The following UNC80 variants were observed in gnomAD, a reference collection of about 807,000 sequenced individuals.
The protein encoded by UNC80 is protein unc-80 homolog.
A neutral mutation model predicts 384.6 loss-of-function variants in UNC80; 164 were observed. The ratio of observed to expected loss-of-function variants is 0.43; its 90% CI spans 0.38 to 0.49. The LOEUF is 0.49. UNC80 is among the 20% of genes least tolerant of loss of function. The pLI is 0.00. For missense variants in UNC80, 3,330 were observed against 4,143.0 expected (o/e 0.80, Z 5.39); for synonymous variants, 1,486 against 1,527.8 (o/e 0.97, Z 0.64).
At chr2:209,824,872 C>G (rs1262268995) in intron 13 of UNC80, among the ~76,000 whole-genome samples, 1 of 152,156 alleles carries the variant, frequency 6.6e-6, no homozygotes, top group African/African-American at 2.4e-5. Context: ...TGCGTCAACC[C>G]AATCATGTGG....
chr2:209,945,758 C>T, intron 46 of UNC80, 89 bp from the exon 47 acceptor site: 1 of 823,176 alleles, frequency 1.2e-6, no homozygotes. Flanking sequence ...ACAGTATATA[C>T]TGGAATGATA....
At chr2:209,992,285 G>T (rs1381331410) in intron 62 of UNC80, 38 bp downstream of exon 62, 1 of 1,527,682 alleles carries the variant, frequency 6.5e-7, no homozygotes, top group Admixed American at 2.0e-5. Context: ...ACCATCCTAC[G>T]AATTGGAAGC....
chr2:209,884,877 A>T (rs1574883919), intron 25 of UNC80, among the ~76,000 whole-genome samples: 1 of 151,672 alleles, frequency 6.6e-6, no homozygotes, highest in African/African-American at 2.4e-5. Flanking sequence ...GAGGGGAACA[A>T]CACACACTGG....
chr2:209,973,154 G>C lies in UNC80; in HGVS notation c.8471G>C (p.Arg2824Thr). 6.4e-7 allele frequency: 1 copy of C among 1,551,674 alleles called. No homozygotes were observed. The change falls in exon 56 of 65, where the codon AGG becomes ACG. Residue 2824 changes from arginine to threonine, a missense_variant. Coordinates refer to ENST00000673920, the MANE Select transcript of UNC80 (RefSeq NM_001371986.1). The stretch of plus-strand genomic sequence containing the variant: ...CCACCGCGGATCATCAGCACATCCA[G>C]GAGCAAGAACTTCATGTTAGAGAGC... ...LLPPRIISTSRSKNFMLESSP... is the reference protein window; with the variant it reads ...LLPPRIISTSTSKNFMLESSP...
intron 25 of UNC80, among the ~76,000 whole-genome samples, chr2:209,884,259 G>A (rs924222110): frequency 4.6e-5 from 7 of 152,150 alleles, no homozygotes; most frequent in Non-Finnish European, 7.4e-5. Context: ...GAGACCAATC[G>A]ATGATGACTA....
intron 61 of UNC80, among the ~76,000 whole-genome samples, chr2:209,987,132 T>C (rs1460017557): frequency 6.6e-6 from 1 of 152,202 alleles, no homozygotes; most frequent in Non-Finnish European, 1.5e-5. Context: ...GCTCCCATGC[T>C]CTTACAACAT....
At chr2:209,928,233 G>T (rs1315967895) in intron 36 of UNC80, among the ~76,000 whole-genome samples, 1 of 152,144 alleles carries the variant, frequency 6.6e-6, no homozygotes, top group East Asian at 1.9e-4. Flanking sequence ...CTACTCATGA[G>T]GCTGAGGCAG....
chr2:209,835,781 T>C (rs2081295528), intron 18 of UNC80, among the ~76,000 whole-genome samples: 1 of 152,196 alleles, frequency 6.6e-6, no homozygotes, highest in Admixed American at 6.5e-5. Flanking sequence ...TTCTAGGTAT[T>C]ATGGTATCCT....
chr2:209,957,468 C>A (rs1249810062), intron 48 of UNC80, among the ~76,000 whole-genome samples, 176 bp from the exon 49 acceptor site: 2 of 152,182 alleles, frequency 1.3e-5, no homozygotes, highest in Non-Finnish European at 2.9e-5. Context: ...AATCAATGTT[C>A]TTTTAAAGTG....
At chr2:209,772,200 G>A (rs1275879118) in intron 1 of UNC80, 36 bp downstream of exon 1, 1 of 1,405,706 alleles carries the variant, frequency 7.1e-7, no homozygotes, top group East Asian at 3.2e-5. Flanking sequence ...GGGCCGCCCT[G>A]GGCTGGGGGC....
At chr2:209,990,274 C>A (rs1036801708) in intron 61 of UNC80, among the ~76,000 whole-genome samples, 1 of 152,154 alleles carries the variant, frequency 6.6e-6, no homozygotes, top group Non-Finnish European at 1.5e-5. Flanking sequence ...GCCTCAATTT[C>A]ATTTTCTCTG....
intron 46 of UNC80, 115 bp downstream of exon 46, chr2:209,945,304 C>A: frequency 9.3e-7 from 1 of 1,080,190 alleles, no homozygotes; most frequent in African/African-American, 1.6e-5. Context: ...ATAACTAAAT[C>A]AAAGTAGCAA....
rs548859915 is a variant in UNC80, at chr2:209,786,617, A to G, written c.724+428A>G. Among the ~76,000 whole-genome samples the G allele has an allele frequency of 2.0e-5, 3 of 152,278 alleles. No individual in the cohort carries two copies. In the East Asian group the frequency reaches 5.8e-4, roughly 29 times the overall value. ...CTTAACAAAATCATCTTAGTGTTGT[A>G]TTGTTATCAAAGCATTTCTCTTCAG... On this transcript the variant is annotated intron_variant, in intron 5 of 64. Transcript: ENST00000673920.
intron 35 of UNC80, 51 bp from the exon 36 acceptor site, chr2:209,926,792 C>G (rs1443459454): frequency 6.5e-7 from 1 of 1,545,030 alleles, no homozygotes; most frequent in Non-Finnish European, 8.7e-7. Flanking sequence ...ACAGTAGCAA[C>G]AAAGAATTAC....
intron 22 of UNC80, among the ~76,000 whole-genome samples, chr2:209,866,491 CA>C (rs1559226690): frequency 8.2e-4 from 53 of 64,406 alleles, no homozygotes; most frequent in East Asian, 3.5e-3. Context: ...AATGCACCCC[CA>C]CACACACACA....
At chr2:209,910,999 A>G (rs2088869299) in intron 29 of UNC80, among the ~76,000 whole-genome samples, 1 of 152,108 alleles carries the variant, frequency 6.6e-6, no homozygotes, top group Non-Finnish European at 1.5e-5. Flanking sequence ...ATGCTGCTAT[A>G]AAGAAATACC....
intron 16 of UNC80, among the ~76,000 whole-genome samples, chr2:209,831,933 A>G (rs970973002): frequency 1.3e-5 from 2 of 152,172 alleles, no homozygotes; most frequent in Non-Finnish European, 2.9e-5. Flanking sequence ...ATGTTATCCC[A>G]AGTATTATTT....
chr2:209,932,755 GGCT>G (rs1371963983), intron 38 of UNC80, among the ~76,000 whole-genome samples: 2 of 152,296 alleles, frequency 1.3e-5, no homozygotes, highest in African/African-American at 4.8e-5. Flanking sequence ...GAGATTACCA[GGCT>G]GCACTGACAG....
intron 38 of UNC80, among the ~76,000 whole-genome samples, chr2:209,932,710 T>C (rs2090974721): frequency 6.6e-6 from 1 of 152,222 alleles, no homozygotes; most frequent in African/African-American, 2.4e-5. Flanking sequence ...ACCATTATTC[T>C]AGTGCACACA....
Sources: allele counts gnomAD v4.1 joint callset (sites outside exome capture counted in the v4.1 genomes callset), GRCh38; gene constraint gnomAD v4.1.1; transcripts MANE v1.5; gene names NCBI Gene and HGNC (gene_info 2026-07-23, HGNC 2026-07-21).